Variants in CD48 observed in about 807,000 individuals in gnomAD.
CD48 encodes CD48 molecule.
A neutral mutation model predicts 22.0 loss-of-function variants in CD48; 20 were observed. That is an observed-to-expected ratio of 0.91 (90% CI 0.64 to 1.32). The LOEUF is 1.32. Among genes scored for constraint, CD48 ranks in the 40% most tolerant of loss-of-function variants. CD48 has a pLI of 0.00. For synonymous variants in CD48, 110 were observed against 110.1 expected (o/e 1.00, Z 0.01); for missense variants, 307 against 286.5 (o/e 1.07, Z -0.52).
chr1:160,682,857 T>G (rs920317222), intron 2 of CD48, among the ~76,000 whole-genome samples: 3 of 152,260 alleles, frequency 2.0e-5, no homozygotes, highest in African/African-American at 7.2e-5. Flanking sequence ...CCGGTTTACC[T>G]GCAATCCTCT....
intron 1 of CD48, among the ~76,000 whole-genome samples, chr1:160,710,402 G>T (rs993025371): frequency 1.4e-5 from 2 of 139,784 alleles, no homozygotes; most frequent in African/African-American, 3.0e-5. Flanking sequence ...TAGCCCGGGT[G>T]TTATAACCCA....
At chr1:160,679,543 C>A (rs1487841624) in intron 3 of CD48, among the ~76,000 whole-genome samples, 1 of 151,712 alleles carries the variant, frequency 6.6e-6, no homozygotes, top group African/African-American at 2.4e-5. Context: ...TAAGTATCTG[C>A]ACCAACTAGG....
At chr1:160,682,819 C>A (rs1386081707) in intron 2 of CD48, among the ~76,000 whole-genome samples, 2 of 152,160 alleles carry the variant, frequency 1.3e-5, no homozygotes, top group Non-Finnish European at 2.9e-5. Flanking sequence ...AGAGATAGTC[C>A]CAGCATCTGG....
At chr1:160,680,631 G>C in intron 3 of CD48, 1 of 1,008,404 alleles carries the variant, frequency 9.9e-7, no homozygotes, top group Non-Finnish European at 1.2e-6. Context: ...CAGGAGACAG[G>C]GGAATCTGGC....
intron 1 of CD48, among the ~76,000 whole-genome samples, chr1:160,690,052 G>C (rs765068414): frequency 6.6e-6 from 1 of 152,196 alleles, no homozygotes; most frequent in Admixed American, 6.5e-5. Context: ...TGTTCAGACT[G>C]TTTGGACAAT....
intron 1 of CD48, among the ~76,000 whole-genome samples, chr1:160,691,332 A>T (rs1662209698): frequency 6.6e-6 from 1 of 152,216 alleles, no homozygotes; most frequent in South Asian, 2.1e-4. Context: ...ACCCGATTGT[A>T]CGTTCCACCT....
chr1:160,680,721 C>A, intron 3 of CD48: 3 of 1,021,706 alleles, frequency 2.9e-6, no homozygotes, highest in Non-Finnish European at 3.5e-6. Flanking sequence ...TCCTCGACGG[C>A]CTCTCTCAGG....
intron 3 of CD48, 110 bp downstream of exon 3, chr1:160,681,092 G>GA: frequency 5.1e-6 from 8 of 1,571,846 alleles, no homozygotes; most frequent in South Asian, 1.1e-5. Context: ...ACACCTTAGG[G>GA]ATTCACCACC....
At chr1:160,707,071 A>G (rs3766369) in intron 1 of CD48, among the ~76,000 whole-genome samples, 40,707 of 152,130 alleles carry the variant, frequency 0.27, 6,240 homozygotes, top group Non-Finnish European at 0.36. Flanking sequence ...ATATTTAACA[A>G]GCCTGTACAA....
chr1:160,706,998 G>A (rs77136108), intron 1 of CD48, among the ~76,000 whole-genome samples: 3,456 of 152,274 alleles, frequency 0.023, 68 homozygotes, highest in Non-Finnish European at 0.032. Context: ...TCTTAAGGAA[G>A]AAAAGAAGAT....
At chr1:160,691,094 G>C (rs576445911) in intron 1 of CD48, among the ~76,000 whole-genome samples, 2 of 152,100 alleles carry the variant, frequency 1.3e-5, no homozygotes, top group African/African-American at 2.4e-5. Context: ...GCCTGCAGGG[G>C]CCTCTGCCTA....
At chr1:160,693,636 C>T (rs548914216) in intron 1 of CD48, among the ~76,000 whole-genome samples, 1 of 152,286 alleles carries the variant, frequency 6.6e-6, no homozygotes, top group Non-Finnish European at 1.5e-5. Context: ...GACTTATGTC[C>T]AAGATGTAAA....
At chr1:160,689,706 G>A (rs1417809667) in intron 1 of CD48, among the ~76,000 whole-genome samples, 1 of 152,122 alleles carries the variant, frequency 6.6e-6, no homozygotes, top group Non-Finnish European at 1.5e-5. Context: ...ACGTCTGAAG[G>A]CAATCTCTGA....
chr1:160,701,844 G>A (rs1289383185), intron 1 of CD48, among the ~76,000 whole-genome samples: 1 of 152,128 alleles, frequency 6.6e-6, no homozygotes. Context: ...TAAACTAGAG[G>A]AAATAACAGA....
chr1:160,691,388 AGGCAGCAATACTGCT>A (rs1319176129), intron 1 of CD48, among the ~76,000 whole-genome samples: 48 of 152,352 alleles, frequency 3.2e-4, no homozygotes, highest in African/African-American at 1.1e-3. Flanking sequence ...TGGGACATGC[AGGCAGCAATACTGCT>A]TTGTAAAGCA....
At chr1:160,689,853 C>T (rs1662139862) in intron 1 of CD48, among the ~76,000 whole-genome samples, 1 of 152,144 alleles carries the variant, frequency 6.6e-6, no homozygotes, top group Admixed American at 6.5e-5. Flanking sequence ...TATAATTGTG[C>T]CAGGTTCCTA....
chr1:160,687,924 A>G (rs1160788647), intron 1 of CD48, among the ~76,000 whole-genome samples: 1 of 152,218 alleles, frequency 6.6e-6, no homozygotes, highest in Non-Finnish European at 1.5e-5. Flanking sequence ...CCAATGATAA[A>G]TTATCTTCTC....
At chr1:160,702,414 C>T (rs1205835575) in intron 1 of CD48, among the ~76,000 whole-genome samples, 1 of 152,082 alleles carries the variant, frequency 6.6e-6, no homozygotes, top group African/African-American at 2.4e-5. Context: ...AGTGGAAACG[C>T]AATGTTGGTC....
intron 1 of CD48, among the ~76,000 whole-genome samples, chr1:160,709,464 T>C (rs1017982716): frequency 2.0e-5 from 3 of 152,216 alleles, no homozygotes; most frequent in Non-Finnish European, 4.4e-5. Flanking sequence ...TAATGACTTG[T>C]TGAAAATTCC....
Sources: allele counts gnomAD v4.1 joint callset (sites outside exome capture counted in the v4.1 genomes callset), GRCh38; gene constraint gnomAD v4.1.1; transcripts MANE v1.5; gene names NCBI Gene and HGNC (gene_info 2026-07-23, HGNC 2026-07-21).